Variants in TREM2 observed in about 807,000 individuals in gnomAD.
TREM2 encodes the protein triggering receptor expressed on myeloid cells 2.
Under a neutral mutation model 22.9 loss-of-function variants are expected in TREM2, and 20 were observed. The ratio of observed to expected loss-of-function variants is 0.87; its 90% confidence interval spans 0.61 to 1.27. The LOEUF (loss-of-function observed/expected upper bound fraction) is 1.27. TREM2 is among the 50% of genes most tolerant of loss of function. TREM2 has a pLI of 0.00. For synonymous variants in TREM2, 111 were observed against 120.9 expected (o/e 0.92, Z 0.54); for missense variants, 267 against 289.0 (o/e 0.92, Z 0.55).
rs1252515917 is a variant in TREM2, at chr6:41,158,542, A to G, written c.*222T>C. ...ATATGACAGTCTTGGATTTATTTGT[A>G]AGTGTTTAAAATGTCCAATATTCAG... is the stretch of plus-strand genomic sequence containing the variant. On this transcript the variant is annotated 3_prime_UTR_variant, in exon 5 of 5. Transcript: ENST00000373113. 4.8e-6 allele frequency: 7 copies of G among 1,463,420 alleles called. No homozygotes were observed. The highest frequency in any genetic ancestry group is 3.7e-6 in the Non-Finnish European group (4 of 1,082,606). 90.7% of individuals were successfully genotyped at this position (1,463,420 alleles called of 1,614,324 possible).
rs767357967 is a variant in TREM2 at position 41,161,509 on chromosome 6, C to T, written c.145G>A (p.Ala49Thr). 5 of 1,614,232 alleles carry T rather than the reference C, an allele frequency of 3.1e-6. No homozygotes were observed. The South Asian group carries it at 3.3e-5, about 11-fold the overall frequency. Reference sequence around the variant, plus strand: ...TTCTCTCCCAGCTGGCGGCACCAGGCCTTGCGCCTCCCCCAGTGCTTCATG... The same window carrying T: ...TTCTCTCCCAGCTGGCGGCACCAGGTCTTGCGCCTCCCCCAGTGCTTCATG... The part of the protein sequence containing the change: ...DSMKHWGRRK[A>T]WCRQLGEKGP... Residue 49 changes from alanine (A) to threonine (T), a missense_variant, in exon 2 of 5, where the codon GCC (alanine) becomes ACC (threonine). Coordinates refer to ENST00000373113, the MANE Select transcript of TREM2 (RefSeq NM_018965.4).
chr6:41,162,963 C>G, intron 1 of TREM2, 80 bp downstream of exon 1: 1 of 1,596,306 alleles, frequency 6.3e-7, no homozygotes, highest in Non-Finnish European at 8.6e-7. Context: ...ATAATTCACC[C>G]CAGGGCCCAC....
Position 41,159,880 on chromosome 6 carries a change from G to A in TREM2, c.394C>T (p.Pro132Ser). 1 of 1,613,672 alleles carries A rather than the reference G, an allele frequency of 6.2e-7. No individual in the cohort carries two copies. Among genetic ancestry groups the A allele is most frequent in the Non-Finnish European group, 8.5e-7 (1 of 1,179,890 alleles). Residue 132 changes from proline (P) to serine (S), a missense_variant and splice_region_variant, in exon 3 of 5, where the codon CCC (proline) becomes TCC (serine). By Grantham distance (74) the Pro-to-Ser change is moderately conservative. Transcript: ENST00000373113. ...TCTCCAGCATCCCGGTGATCCAGGG[G>A]GTCTATGGGAGGCAGAGCCATGAGC... Reference protein sequence around the residue: ...RKVLVEVLADPLDHRDAGDLW... With the variant: ...RKVLVEVLADSLDHRDAGDLW...
chr6:41,158,734 C>T lies in TREM2; in HGVS notation c.*30G>A, dbSNP rs75272959. 2.1e-3 allele frequency: 3,394 copies of T among 1,614,200 alleles called. 81 individuals are homozygous for T. The South Asian group carries it at 0.033, about 16-fold the overall frequency. ...GCTGGGCTGGTCCCTGGTGGGACTT[C>T]TCCTGGGCTTTTCCTCCCATCATCT... On this transcript the variant is annotated 3_prime_UTR_variant, in exon 5 of 5. Coordinates refer to ENST00000373113, the MANE Select transcript of TREM2 (RefSeq NM_018965.4).
At chr6:41,161,199 C>T (rs906309210) in intron 2 of TREM2, 64 bp downstream of exon 2, 2 of 1,493,376 alleles carry the variant, frequency 1.3e-6, no homozygotes, top group East Asian at 2.3e-5. Flanking sequence ...GTTCTGCACA[C>T]AGACGCCCAA....
At chr6:41,162,992 A>G in intron 1 of TREM2, 51 bp downstream of exon 1, 13 of 1,613,802 alleles carry the variant, frequency 8.1e-6, no homozygotes, top group Non-Finnish European at 1.1e-5. Context: ...CCCCAACCAC[A>G]TGCTCAAAGT....
At chr6:41,159,676 C>T in intron 3 of TREM2, 116 bp downstream of exon 3, 4 of 850,886 alleles carry the variant, frequency 4.7e-6, no homozygotes, top group East Asian at 2.6e-5. Context: ...TATCCAGGGC[C>T]CTTCAGGCTC....
Position 41,161,556 on chromosome 6 carries a change from T to C in TREM2, c.98A>G (p.Gln33Arg). ...VFQGVAGQSL[Q>R]VSCPYDSMKH... Reference sequence around the variant, plus strand: ...CATGGAGTCATAGGGGCAAGACACCTGCAGGGACTGGCCCGCCACGCCCTG... The same window carrying C: ...CATGGAGTCATAGGGGCAAGACACCCGCAGGGACTGGCCCGCCACGCCCTG... The change falls in exon 2 of 5, where the codon CAG (glutamine) becomes CGG (arginine). Residue 33 changes from glutamine (Q) to arginine (R), a missense_variant. Gln to Arg is a conservative substitution (Grantham distance 43). Transcript: ENST00000373113. 6.2e-7 allele frequency: 1 copy of C among 1,614,108 alleles called. No homozygotes were observed. Among genetic ancestry groups the C allele is most frequent in the Non-Finnish European group, 8.5e-7 (1 of 1,180,028 alleles).
chr6:41,160,481 T>G (rs758272894), intron 2 of TREM2, among the ~76,000 whole-genome samples: 1 of 151,906 alleles, frequency 6.6e-6, no homozygotes, highest in South Asian at 2.1e-4. Flanking sequence ...CCAGATTTGT[T>G]CTCCTTTGGG....
At chr6:41,160,577 C>T (rs980168481) in intron 2 of TREM2, among the ~76,000 whole-genome samples, 5 of 151,966 alleles carry the variant, frequency 3.3e-5, no homozygotes, top group African/African-American at 1.2e-4. Flanking sequence ...AAGGAGACAC[C>T]CTGGCCCACC....
At position 41,161,532 on chromosome 6, in the gene TREM2, A is replaced by C; in HGVS notation, c.122T>G (p.Met41Arg). The C allele has an allele frequency of 6.2e-7, 1 of 1,614,166 alleles. No individual in the cohort carries two copies. The highest frequency in any genetic ancestry group is 1.1e-5 in the South Asian group (1 of 91,076). The change falls in exon 2 of 5, where the codon ATG becomes AGG. Residue 41 changes from methionine (M) to arginine (R), a missense_variant. Transcript: ENST00000373113. ...GGCCTTGCGCCTCCCCCAGTGCTTC[A>C]TGGAGTCATAGGGGCAAGACACCTG... is the stretch of plus-strand genomic sequence containing the variant. The part of the protein sequence containing the change: ...SLQVSCPYDS[M>R]KHWGRRKAWC...
chr6:41,160,003 G>A, intron 2 of TREM2, 121 bp from the exon 3 acceptor site: 1 of 742,248 alleles, frequency 1.3e-6, no homozygotes, highest in Admixed American at 2.0e-5. Context: ...ATGTGGATCA[G>A]GTCATTACAC....
At chr6:41,161,661 G>A in intron 1 of TREM2, 48 bp from the exon 2 acceptor site, 1 of 1,501,264 alleles carries the variant, frequency 6.7e-7, no homozygotes, top group Non-Finnish European at 9.1e-7. Flanking sequence ...AATACGCTTT[G>A]AACACTTGCT....
Position 41,163,049 on chromosome 6 carries a change from CAA to C in TREM2, c.32_33del (p.Phe11CysfsTer28), listed in dbSNP as rs1473834050. 1 of 1,614,026 alleles carries C rather than the reference CAA, an allele frequency of 6.2e-7. No individual in the cohort carries two copies. Among genetic ancestry groups the C allele is most frequent in the Non-Finnish European group, 8.5e-7 (1 of 1,180,018 alleles). MEPLRLLILL[F>X]VTELSGAHNT... is the part of the protein sequence containing the mutation. ...GGCACGGAGGGGATCCTACCTGTGA[CAA>C]AGAGTAAGATGAGCAGCCGGAGAGG... On this transcript the variant is annotated frameshift_variant, in exon 1 of 5. Transcript: ENST00000373113. LOFTEE classifies it high-confidence loss of function.
chr6:41,159,724 C>T, intron 3 of TREM2, 68 bp downstream of exon 3: 1 of 1,459,756 alleles, frequency 6.9e-7, no homozygotes, highest in Non-Finnish European at 9.6e-7. Context: ...ATGCCCAGCC[C>T]CCACCCCCGT....
At chr6:41,159,092 G>A (rs1391899655) in intron 3 of TREM2, 26 bp from the exon 4 acceptor site, 2 of 1,600,144 alleles carry the variant, frequency 1.2e-6, no homozygotes, top group African/African-American at 1.3e-5. Flanking sequence ...AGGCAGATGG[G>A]AGCCTTGAGA....
In TREM2 at chr6:41,158,766, A is replaced by C. The variant is rs1017615278; in HGVS notation, c.691T>G (p.Ter231GlyextTer60). ...LQTLPGLRDT[*>G] ...GCTTTTCCTCCCATCATCTTCCTTC[A>C]CGTGTCTCTCAGCCCTGCAATAGTC... Residue 231 changes from the stop codon to glycine, a stop_lost, in exon 5 of 5, where the codon TGA becomes GGA. Transcript: ENST00000373113. The C allele has an allele frequency of 1.2e-6, 2 of 1,613,772 alleles. No homozygotes were observed. The highest frequency in any genetic ancestry group is 1.3e-5 in the African/African-American group (1 of 74,800).
chr6:41,159,642 G>A (rs1765507102), intron 3 of TREM2, 150 bp downstream of exon 3: 3 of 714,552 alleles, frequency 4.2e-6, no homozygotes, highest in Admixed American at 2.0e-5. Flanking sequence ...GTAGCAGCTG[G>A]TGGAGGGGTG....
At chr6:41,159,447 G>A (rs1765502096) in intron 3 of TREM2, among the ~76,000 whole-genome samples, 1 of 152,184 alleles carries the variant, frequency 6.6e-6, no homozygotes, top group South Asian at 2.1e-4. Flanking sequence ...GAGATCTGGG[G>A]GTCTTAGCTT....
Sources: allele counts gnomAD v4.1 joint callset (sites outside exome capture counted in the v4.1 genomes callset), GRCh38; gene constraint gnomAD v4.1.1; transcripts MANE v1.5; gene names NCBI Gene and HGNC (gene_info 2026-07-23, HGNC 2026-07-21).